FAM13B: variants seen among roughly 807,000 people sequenced by gnomAD.
The protein encoded by FAM13B is protein FAM13B.
Under a neutral mutation model 117.3 loss-of-function variants are expected in FAM13B, and 60 were observed. That is an observed-to-expected ratio of 0.51 (90% CI 0.42 to 0.63). The LOEUF is 0.63. Among genes scored for constraint, FAM13B ranks in the 30% least tolerant of loss-of-function variants. The pLI is 0.00. For synonymous variants in FAM13B, 332 were observed against 356.1 expected (o/e 0.93, Z 0.76); for missense variants, 972 against 1,091.9 (o/e 0.89, Z 1.55).
Position 137,940,232 on chromosome 5 carries a change from G to C in FAM13B, c.2807C>G (p.Ser936Cys). The change falls in exon 24 of 24, where the codon TCC becomes TGC. Residue 936 changes from serine (S) to cysteine (C), a missense_variant. Coordinates refer to ENST00000689681, the MANE Select transcript of FAM13B (RefSeq NM_001385994.1). ...VLISKQDSSK[S>C]I ...ATTTTCAAGGAACGTATCTTATATG[G>C]ATTTTGAAGAATCTTGTTTGCTTAT... 1 of 1,613,840 alleles carries C rather than the reference G, an allele frequency of 6.2e-7. No homozygotes were observed. Among genetic ancestry groups the C allele is most frequent in the Non-Finnish European group, 8.5e-7 (1 of 1,179,912 alleles).
intron 7 of FAM13B, among the ~76,000 whole-genome samples, chr5:137,997,722 A>G (rs912693497): frequency 2.0e-5 from 3 of 152,156 alleles, no homozygotes; most frequent in Non-Finnish European, 4.4e-5. Context: ...TAACAGATAC[A>G]TGAACAGACC....
At chr5:138,009,686 T>A (rs535468266) in intron 6 of FAM13B, among the ~76,000 whole-genome samples, 4 of 150,086 alleles carry the variant, frequency 2.7e-5, no homozygotes, top group East Asian at 2.0e-4. Flanking sequence ...GCGCCTGTCA[T>A]CCCAGCTACT....
intron 1 of FAM13B, among the ~76,000 whole-genome samples, chr5:138,030,427 T>C (rs1789592841): frequency 7.2e-6 from 1 of 138,614 alleles, no homozygotes; most frequent in African/African-American, 2.6e-5. Context: ...TTTTTTTTTT[T>C]CTGTAAAGAG....
chr5:138,001,483 T>C (rs756449885), intron 7 of FAM13B, among the ~76,000 whole-genome samples: 1 of 152,208 alleles, frequency 6.6e-6, no homozygotes, highest in Admixed American at 6.5e-5. Context: ...TCATATTAAA[T>C]TGAACATTCA....
intron 17 of FAM13B, among the ~76,000 whole-genome samples, chr5:137,950,005 A>G (rs1034571700): frequency 2.0e-5 from 3 of 152,106 alleles, no homozygotes; most frequent in African/African-American, 7.2e-5. Context: ...AGAACAAGCT[A>G]TTATTTTTAT....
At chr5:137,946,039 C>A (rs918076686) in intron 19 of FAM13B, 42 bp from the exon 20 acceptor site, 2 of 1,506,352 alleles carry the variant, frequency 1.3e-6, no homozygotes, top group African/African-American at 1.4e-5. Context: ...CATCACAAAT[C>A]TAAAATGTCC....
At chr5:137,959,155 C>T (rs776553564) in intron 13 of FAM13B, among the ~76,000 whole-genome samples, 2 of 152,108 alleles carry the variant, frequency 1.3e-5, no homozygotes, top group African/African-American at 4.8e-5. Flanking sequence ...GACAGAAATA[C>T]AGGAATATGG....
rs1285327491 is a variant in FAM13B at position 137,971,940 on chromosome 5, G to T, written c.1180-9471C>A. On this transcript the variant is annotated intron_variant, in intron 10 of 23. Coordinates refer to ENST00000689681, the MANE Select transcript of FAM13B (RefSeq NM_001385994.1). ...GAAGTTGAATCTCTGAATAGACCAA[G>T]AACAGGAGCTGAAATTGTGGCAATA... Among the ~76,000 whole-genome samples the T allele has an allele frequency of 2.4e-3, 360 of 151,928 alleles. 3 individuals carry two copies. The highest frequency in any genetic ancestry group is 8.2e-3 in the African/African-American group (338 of 41,440).
rs143437029 is a variant in FAM13B, at chr5:137,943,082, G to T, written c.2425-44C>A. ...AGAGAATCAAACATGCCTTGTCTTT[G>T]AACTCTTCCCTTAGGGAAGGGATCA... On this transcript the variant is annotated intron_variant, in intron 21 of 23. Coordinates refer to ENST00000689681, the MANE Select transcript of FAM13B (RefSeq NM_001385994.1). The T allele has an allele frequency of 3.7e-4, 592 of 1,612,706 alleles. 2 individuals are homozygous for T. The African/African-American group carries it at 7.2e-3, about 19-fold the overall frequency.
chr5:137,965,352 CAGG>C (rs943892073), intron 10 of FAM13B, among the ~76,000 whole-genome samples: 1 of 152,026 alleles, frequency 6.6e-6, no homozygotes, highest in African/African-American at 2.4e-5. Context: ...GTGGCAGCAG[CAGG>C]AGGAGCAGCA....
chr5:138,003,663 A>G (rs528814198), intron 7 of FAM13B, among the ~76,000 whole-genome samples: 18 of 152,232 alleles, frequency 1.2e-4, no homozygotes, highest in Admixed American at 5.2e-4. Context: ...CACATAAATC[A>G]CAATGACCAG....
At chr5:138,023,987 T>G (rs543548367) in intron 1 of FAM13B, among the ~76,000 whole-genome samples, 1 of 152,174 alleles carries the variant, frequency 6.6e-6, no homozygotes, top group Non-Finnish European at 1.5e-5. Context: ...CTAGAGCACA[T>G]TGCTGAGAAC....
intron 7 of FAM13B, among the ~76,000 whole-genome samples, chr5:137,996,069 C>T (rs76879542): frequency 0.022 from 3,413 of 152,248 alleles, 109 homozygotes; most frequent in African/African-American, 0.077. Context: ...AGTCCGCATA[C>T]CCCTCTAGTC....
intron 10 of FAM13B, among the ~76,000 whole-genome samples, chr5:137,982,558 G>C (rs1305937338): frequency 6.6e-6 from 1 of 151,902 alleles, no homozygotes; most frequent in Non-Finnish European, 1.5e-5. Context: ...CTTCATTCCA[G>C]AAGTATCTAC....
intron 7 of FAM13B, among the ~76,000 whole-genome samples, chr5:137,999,435 G>T (rs1044196427): frequency 1.3e-5 from 2 of 151,992 alleles, no homozygotes; most frequent in African/African-American, 4.8e-5. Context: ...AATTAGCCAG[G>T]TGTGGTGGCA....
chr5:137,974,944 C>A (rs531962170), intron 10 of FAM13B, among the ~76,000 whole-genome samples: 12 of 152,224 alleles, frequency 7.9e-5, no homozygotes, highest in African/African-American at 2.9e-4. Flanking sequence ...ACACAAAATT[C>A]AATTTTAGTG....
At chr5:137,953,288 A>G (rs1461099754) in intron 16 of FAM13B, 48 bp downstream of exon 16, 1 of 1,597,130 alleles carries the variant, frequency 6.3e-7, no homozygotes, top group African/African-American at 1.3e-5. Flanking sequence ...CTATCCTCTC[A>G]GTTCTAATAT....
At chr5:138,049,568 C>A (rs759230385) in intron 1 of FAM13B, among the ~76,000 whole-genome samples, 1 of 151,794 alleles carries the variant, frequency 6.6e-6, no homozygotes, top group South Asian at 2.1e-4. Flanking sequence ...CCACCGTGCC[C>A]GGCCTAGAGT....
At chr5:138,026,519 C>T (rs777054932) in intron 1 of FAM13B, among the ~76,000 whole-genome samples, 2 of 147,080 alleles carry the variant, frequency 1.4e-5, no homozygotes, top group Non-Finnish European at 3.0e-5. Context: ...CCCAGCTACT[C>T]GGGAGGCTGA....
Sources: gnomAD v4.1 joint callset for allele counts (sites outside exome capture counted in the v4.1 genomes callset) on GRCh38, gnomAD v4.1.1 for gene constraint, MANE v1.5 for transcripts, NCBI Gene and HGNC (gene_info 2026-07-23, HGNC 2026-07-21) for gene names.